Variants in MED24 observed in about 807,000 individuals in gnomAD.
MED24 encodes the protein mediator complex subunit 24, also known as mediator of RNA polymerase II transcription subunit 24.
A neutral mutation model predicts 118.8 loss-of-function variants in MED24; 74 were observed. The observed-to-expected ratio is 0.62, with a 90% CI of 0.52 to 0.76. The LOEUF is 0.76. Among genes scored for constraint, MED24 ranks in the 30% least tolerant of loss-of-function variants. The pLI is 0.00. For missense variants in MED24, 1,041 were observed against 1,278.9 expected, an observed-to-expected ratio of 0.81 and a Z score of 2.84; for synonymous variants, 521 against 523.9, an observed-to-expected ratio of 0.99 and a Z score of 0.08.
chr17:40,033,475 T>C lies in MED24; in HGVS notation c.560-19A>G. ...CAAGAAGCTGGCAGAGGGAAGGAAG[T>C]ACAGAAACATGATGGGAAACAGGAG... On this transcript the variant is annotated intron_variant, in intron 6 of 25. Coordinates refer to ENST00000394128, the MANE Select transcript of MED24 (RefSeq NM_014815.4). The surrounding 1 kb of genome is among the most constrained non-coding windows in gnomAD (Gnocchi z 5.2). 6.5e-7 allele frequency: 1 copy of C among 1,548,746 alleles called. No individual in the cohort carries two copies. Among genetic ancestry groups the C allele is most frequent in the Non-Finnish European group, 8.8e-7 (1 of 1,140,284 alleles).
rs764139973 is a variant in MED24, at chr17:40,020,308, G to A, written c.2669C>T (p.Thr890Met). 43 of 1,589,198 alleles carry A rather than the reference G, an allele frequency of 2.7e-5. No homozygotes were observed. The highest frequency in any genetic ancestry group is 2.1e-4 in the African/African-American group (16 of 74,670). The change falls in exon 24 of 26, where the codon ACG becomes ATG. Residue 890 changes from threonine to methionine, a missense_variant. This residue lies in a region of MED24 where 587 missense variants were observed against 694.4 expected (regional missense o/e 0.85). Transcript: ENST00000394128. The part of the protein sequence containing the change: ...SSSLSASQLH[T>M]VNMRDPLNRV... ...GTTCAGAGGGTCCCGCATGTTGACCGTGTGGAGCTGAGAGGCTGAGAGGGA... is the reference window on the plus strand; with the variant it reads ...GTTCAGAGGGTCCCGCATGTTGACCATGTGGAGCTGAGAGGCTGAGAGGGA...
chr17:40,040,155 T>C (rs558880956), intron 3 of MED24, among the ~76,000 whole-genome samples: 1 of 151,162 alleles, frequency 6.6e-6, no homozygotes, highest in East Asian at 2.0e-4. Context: ...CTCGGCTCAC[T>C]GCAACCTCTG....
At position 40,033,206 on chromosome 17, in the gene MED24, G is replaced by A. The variant is rs1288993512; in HGVS notation, c.672C>T (p.Ser224=). 2 of 1,613,754 alleles carry A rather than the reference G, an allele frequency of 1.2e-6. No individual in the cohort carries two copies. Among genetic ancestry groups the A allele is most frequent in the African/African-American group, 2.7e-5 (2 of 74,936 alleles). Residue 224 remains serine (S), a splice_region_variant and synonymous_variant, in exon 8 of 26, where the codon AGC becomes AGT. Transcript: ENST00000394128. This position sits in a 1 kb window ranked among gnomAD's most constrained non-coding sequence, Gnocchi z 5.2. The part of the protein sequence containing the change: ...QAEQCGTLIR[S]IPTMLSVHAE... Reference sequence around the variant, plus strand: ...CATGCACAGACAGCATCGTGGGGATGCTGAGGGGTCACAAACACAGGGGAC... The same window carrying A: ...CATGCACAGACAGCATCGTGGGGATACTGAGGGGTCACAAACACAGGGGAC...
chr17:40,030,008 T>C (rs1983176062), intron 12 of MED24, 149 bp from the exon 13 acceptor site: 2 of 654,892 alleles, frequency 3.1e-6, no homozygotes, highest in East Asian at 5.5e-5. Context: ...TATGGAAGCA[T>C]AGTCAATGTT....
intron 3 of MED24, among the ~76,000 whole-genome samples, chr17:40,043,905 C>CAAAAAAAAAAAAAAAAAAAAA (rs1555668276): frequency 7.0e-5 from 8 of 115,104 alleles, no homozygotes; most frequent in Non-Finnish European, 1.3e-4. Flanking sequence ...AAAAAAAAAA[C>CAAAAAAAAAAAAAAAAAAAAA]AAAGATTTAA....
chr17:40,031,611 C>T lies in MED24; in HGVS notation c.994G>A (p.Glu332Lys). The T allele has an allele frequency of 6.2e-7, 1 of 1,614,084 alleles. No individual in the cohort carries two copies. The highest frequency in any genetic ancestry group is 8.5e-7 in the Non-Finnish European group (1 of 1,179,948). ...KYSHGDKDFT[E>K]DVNCAFEFLL... ...AACTCAAAAGCACAGTTGACATCCT[C>T]AGTGAAGTCCTAGAAAGAGGCAGAA... Residue 332 changes from glutamate to lysine, a missense_variant, in exon 11 of 26, where the codon GAG becomes AAG. Glu to Lys is a moderately conservative substitution (Grantham distance 56). Coordinates refer to ENST00000394128, the MANE Select transcript of MED24 (RefSeq NM_014815.4).
chr17:40,041,907 A>G (rs1260012957), intron 3 of MED24, among the ~76,000 whole-genome samples: 1 of 152,208 alleles, frequency 6.6e-6, no homozygotes, highest in African/African-American at 2.4e-5. Flanking sequence ...AATTTGGCTC[A>G]TCACTATTTT....
At position 40,019,785 on chromosome 17, in the gene MED24, G is replaced by A. The variant is rs141013830; in HGVS notation, c.2853C>T (p.Thr951=). 67 of 1,611,808 alleles carry A rather than the reference G, an allele frequency of 4.2e-5. No homozygotes were observed. Among genetic ancestry groups the A allele is most frequent in the South Asian group, 1.5e-4 (14 of 90,788 alleles). The part of the protein sequence containing the change: ...GSVLQFMPFT[T]VSELVKVSAM... Reference sequence around the variant, plus strand: ...GGAGAGCCGGGAAGGTGGTACTCACGGTGGTGAAGGGCATGAACTGCAGGA... The same window carrying A: ...GGAGAGCCGGGAAGGTGGTACTCACAGTGGTGAAGGGCATGAACTGCAGGA... Residue 951 remains threonine, a splice_region_variant and synonymous_variant, in exon 25 of 26, where the codon ACC becomes ACT. Transcript: ENST00000394128.
In MED24 at chr17:40,028,780, G is replaced by A. The variant is rs746992578; in HGVS notation, c.1409+46C>T. 6.2e-6 allele frequency: 10 copies of A among 1,606,644 alleles called. No homozygotes were observed. In the East Asian group the frequency reaches 1.1e-4, roughly 18 times the overall value. ...CTACCCTGCTACCTCCTCCCAACGC[G>A]CAGCCTCCCTGCACGCCCTGGGGTC... On this transcript the variant is annotated intron_variant, in intron 14 of 25. Transcript: ENST00000394128.
intron 3 of MED24, among the ~76,000 whole-genome samples, chr17:40,049,575 G>A (rs1985598821): frequency 6.6e-6 from 1 of 152,002 alleles, no homozygotes; most frequent in Non-Finnish European, 1.5e-5. Context: ...TCACCAGACT[G>A]GAGTGCAGTG....
At position 40,032,060 on chromosome 17, in the gene MED24, ACTT is replaced by A. The variant is rs1476290144; in HGVS notation, c.964_966del (p.Lys322del). The A allele has an allele frequency of 6.2e-7, 1 of 1,613,794 alleles. No homozygotes were observed. Among genetic ancestry groups the A allele is most frequent in the Non-Finnish European group, 8.5e-7 (1 of 1,179,888 alleles). ...CAACTCACCTTGTCTCCATGAGAGTACTTCTTCAACTTCACCAAAACCTGTGGA... is the reference window on the plus strand; with the variant it reads ...CAACTCACCTTGTCTCCATGAGAGTACTTCAACTTCACCAAAACCTGTGGA... On this transcript the variant is annotated inframe_deletion, in exon 10 of 26. Transcript: ENST00000394128.
intron 3 of MED24, among the ~76,000 whole-genome samples, chr17:40,048,359 T>G (rs1985472885): frequency 6.6e-6 from 1 of 152,172 alleles, no homozygotes; most frequent in Non-Finnish European, 1.5e-5. Flanking sequence ...TCTTTTTCTC[T>G]CACAATTGTA....
chr17:40,020,604 T>C, intron 23 of MED24: 1 of 627,632 alleles, frequency 1.6e-6, no homozygotes, highest in Non-Finnish European at 2.7e-6. Context: ...CCTTGGCAAC[T>C]AGCGAGACCT....
chr17:40,029,026 T>C (rs778142820), intron 13 of MED24, 58 bp from the exon 14 acceptor site: 11 of 1,607,278 alleles, frequency 6.8e-6, no homozygotes, highest in African/African-American at 2.7e-5. Context: ...CCACCCAAGA[T>C]ACAGCCTAGC....
intron 24 of MED24, 160 bp from the exon 25 acceptor site, chr17:40,020,093 G>A: frequency 9.9e-7 from 1 of 1,005,252 alleles, no homozygotes; most frequent in East Asian, 2.6e-5. Flanking sequence ...CAATTGGGGA[G>A]GGGAGGAGGG....
chr17:40,035,403 C>A, intron 5 of MED24, 54 bp from the exon 6 acceptor site: 1 of 1,501,876 alleles, frequency 6.7e-7, no homozygotes, highest in Non-Finnish European at 9.0e-7. Context: ...TGAAATCCGA[C>A]CCACATCAAT....
At chr17:40,050,043 G>A (rs192611140) in intron 3 of MED24, among the ~76,000 whole-genome samples, 249 of 150,804 alleles carry the variant, frequency 1.7e-3, no homozygotes, top group Middle Eastern at 6.8e-3. Flanking sequence ...CCAGCTACTC[G>A]GGAGGCTGAG....
At chr17:40,045,833 A>G (rs1222278147) in intron 3 of MED24, among the ~76,000 whole-genome samples, 1 of 152,168 alleles carries the variant, frequency 6.6e-6, no homozygotes, top group Non-Finnish European at 1.5e-5. Context: ...GCTGGAGTAC[A>G]GTGGTTCGAT....
chr17:40,022,095 C>T (rs767745147), intron 22 of MED24, 41 bp from the exon 23 acceptor site: 2 of 1,441,634 alleles, frequency 1.4e-6, no homozygotes, highest in Non-Finnish European at 1.9e-6. Flanking sequence ...CCCTAAACCC[C>T]CCAGTTTCCA....
Sources: gnomAD v4.1 joint callset for allele counts (sites outside exome capture counted in the v4.1 genomes callset) on GRCh38, gnomAD v4.1.1 for gene constraint, gnomAD v4.1.1 regional missense constraint, Gnocchi (gnomAD v3.1) non-coding constraint, MANE v1.5 for transcripts, NCBI Gene and HGNC (gene_info 2026-07-23, HGNC 2026-07-21) for gene names.